CMIP: variants seen among roughly 807,000 people sequenced by gnomAD.
The protein encoded by CMIP is C-Maf-inducing protein.
Under a neutral mutation model 97.3 loss-of-function variants are expected in CMIP, and 13 were observed. The observed-to-expected ratio is 0.13, with a 90% CI of 0.09 to 0.21. The LOEUF (loss-of-function observed/expected upper bound fraction) is 0.21. Ranked by LOEUF, CMIP falls within the 10% of genes least tolerant of loss-of-function variation. The pLI, the probability that CMIP is intolerant of heterozygous loss-of-function variation, is 1.00. For missense variants in CMIP, 847 were observed against 1,024.9 expected (o/e 0.83, Z 2.37); for synonymous variants, 538 against 436.3 (o/e 1.23, Z -2.91).
At chr16:81,491,724 C>G (rs763107831) in intron 1 of CMIP, among the ~76,000 whole-genome samples, 1 of 152,202 alleles carries the variant, frequency 6.6e-6, no homozygotes, top group African/African-American at 2.4e-5. Context: ...TCATTTGGCA[C>G]CCTTCCCTGT....
chr16:81,547,131 A>G (rs529234757), intron 1 of CMIP, among the ~76,000 whole-genome samples: 2 of 152,296 alleles, frequency 1.3e-5, no homozygotes, highest in South Asian at 4.1e-4. Flanking sequence ...GGAGGTTTCA[A>G]TGGTGTTTAA....
At chr16:81,548,450 C>A (rs770352391) in intron 1 of CMIP, among the ~76,000 whole-genome samples, 15 of 152,006 alleles carry the variant, frequency 9.9e-5, no homozygotes, top group Non-Finnish European at 1.5e-4. Context: ...GTCTTTATTG[C>A]GGGCACTGTC....
intron 1 of CMIP, among the ~76,000 whole-genome samples, chr16:81,477,767 C>T (rs1209515931): frequency 4.6e-5 from 7 of 152,240 alleles, no homozygotes; most frequent in African/African-American, 1.4e-4. Flanking sequence ...CATGTGGCTG[C>T]TCCTCCGTTC....
intron 1 of CMIP, chr16:81,464,728 C>G (rs1041846304): frequency 3.3e-5 from 5 of 152,252 alleles, no homozygotes; most frequent in African/African-American, 1.2e-4. Context: ...CTCCTCGTCC[C>G]AGCCCCTGGT....
chr16:81,648,544 G>A (rs1428731838), intron 3 of CMIP, among the ~76,000 whole-genome samples: 1 of 152,104 alleles, frequency 6.6e-6, no homozygotes, highest in African/African-American at 2.4e-5. Context: ...AGCACTTTGG[G>A]AGGCCGAGGC....
At chr16:81,476,672 G>T (rs1907943146) in intron 1 of CMIP, among the ~76,000 whole-genome samples, 1 of 152,158 alleles carries the variant, frequency 6.6e-6, no homozygotes, top group Admixed American at 6.5e-5. Context: ...GAGATCCATT[G>T]TATGAAGAAG....
At chr16:81,648,029 G>A (rs919178924) in intron 3 of CMIP, among the ~76,000 whole-genome samples, 177 of 130,870 alleles carry the variant, frequency 1.4e-3, no homozygotes, top group Non-Finnish European at 3.6e-4. Context: ...CCGCAGAGCC[G>A]TAGCCCACCC....
At chr16:81,666,282 G>T (rs1229119813) in intron 7 of CMIP, 1 of 152,300 alleles carries the variant, frequency 6.6e-6, no homozygotes. Flanking sequence ...ACCTTAACTT[G>T]TCAATGGCAG....
intron 1 of CMIP, among the ~76,000 whole-genome samples, chr16:81,517,044 A>G (rs1460870815): frequency 6.6e-6 from 1 of 151,244 alleles, no homozygotes; most frequent in African/African-American, 2.4e-5. Context: ...AAAATCAGGC[A>G]GGTTTCAAGG....
At chr16:81,481,965 G>C (rs2089231233) in intron 1 of CMIP, among the ~76,000 whole-genome samples, 1 of 150,288 alleles carries the variant, frequency 6.7e-6, no homozygotes, top group South Asian at 2.1e-4. Flanking sequence ...TGCAACCTCT[G>C]CCTCCCGGGT....
chr16:81,613,226 G>A lies in CMIP; in HGVS notation c.426+5534G>A, dbSNP rs540010122. On this transcript the variant is annotated intron_variant, in intron 2 of 20. Transcript: ENST00000537098. ...TTAGTTTCAAGGTGAGGTCTCCTGC[G>A]TGCCACATCCTTCCTCCTCCTGCTT... 4.6e-5 allele frequency among the ~76,000 whole-genome samples: 7 copies of A among 152,248 alleles called. No homozygotes were observed. The East Asian group carries it at 7.7e-4, about 17-fold the overall frequency.
intron 3 of CMIP, among the ~76,000 whole-genome samples, chr16:81,633,935 A>T (rs958702683): frequency 6.6e-6 from 1 of 152,218 alleles, no homozygotes; most frequent in Non-Finnish European, 1.5e-5. Context: ...GACTTTTGTT[A>T]AAGTCTGCAA....
In CMIP at chr16:81,671,986, A is replaced by G. The variant is rs1235489539; in HGVS notation, c.950A>G (p.His317Arg). Reference sequence around the variant, plus strand: ...TCCAGCATGCACGGCCCCACAGGGCACTGCCCCCACCCCCGGGTCCTGCCC... The same window carrying G: ...TCCAGCATGCACGGCCCCACAGGGCGCTGCCCCCACCCCCGGGTCCTGCCC... The part of the protein sequence containing the change: ...FIQSMHGPTG[H>R]CPHPRVLPNL... The change falls in exon 9 of 21, where the codon CAC (histidine) becomes CGC (arginine). Residue 317 changes from histidine to arginine, a missense_variant. His to Arg is a conservative substitution (Grantham distance 29, BLOSUM62 0). Transcript: ENST00000537098. 6.3e-7 allele frequency: 1 copy of G among 1,594,410 alleles called. No individual in the cohort carries two copies. Among genetic ancestry groups the G allele is most frequent in the Non-Finnish European group, 8.6e-7 (1 of 1,169,284 alleles).
At chr16:81,648,003 C>T (rs1323876814) in intron 3 of CMIP, among the ~76,000 whole-genome samples, 2 of 102,062 alleles carry the variant, frequency 2.0e-5, no homozygotes, top group Non-Finnish European at 4.0e-5. Flanking sequence ...AGCCGTAGCC[C>T]ACCCTCCCCC....
chr16:81,452,574 G>T (rs1334660579), intron 1 of CMIP, among the ~76,000 whole-genome samples: 1 of 152,084 alleles, frequency 6.6e-6, no homozygotes, highest in African/African-American at 2.4e-5. Flanking sequence ...TTTGTACATA[G>T]TGGTCAGGGA....
intron 1 of CMIP, among the ~76,000 whole-genome samples, chr16:81,510,644 G>A (rs539491359): frequency 5.0e-4 from 76 of 152,128 alleles, no homozygotes; most frequent in Non-Finnish European, 8.8e-4. Flanking sequence ...TACTGTGATG[G>A]ACCAGTCCAA....
intron 1 of CMIP, among the ~76,000 whole-genome samples, chr16:81,586,588 C>T (rs1323196001): frequency 2.0e-5 from 3 of 152,114 alleles, no homozygotes; most frequent in Admixed American, 2.0e-4. Flanking sequence ...TCTCTGTAAT[C>T]GAGATTTAAT....
At chr16:81,607,332 C>A (rs1597140568) in intron 1 of CMIP, among the ~76,000 whole-genome samples, 1 of 152,224 alleles carries the variant, frequency 6.6e-6, no homozygotes, top group African/African-American at 2.4e-5. Context: ...CACTCTGTTC[C>A]TAACTCTGCA....
chr16:81,662,207 G>A (rs2092554986), intron 6 of CMIP, among the ~76,000 whole-genome samples: 1 of 152,096 alleles, frequency 6.6e-6, no homozygotes, highest in Non-Finnish European at 1.5e-5. Context: ...ACCCAAACCT[G>A]CCCCATGCTT....
Sources: gnomAD v4.1 joint callset for allele counts (sites outside exome capture counted in the v4.1 genomes callset) on GRCh38, gnomAD v4.1.1 for gene constraint, MANE v1.5 for transcripts, NCBI Gene and HGNC (gene_info 2026-07-23, HGNC 2026-07-21) for gene names.